Variants in SEC22C observed in about 807,000 individuals in gnomAD.
The protein encoded by SEC22C is SEC22 homolog C, vesicle trafficking protein, also known as vesicle-trafficking protein SEC22c.
A neutral mutation model predicts 34.7 loss-of-function variants in SEC22C; 29 were observed. The observed-to-expected ratio is 0.84, with a 90% confidence interval of 0.62 to 1.14. The LOEUF is 1.14. SEC22C is among the 50% of genes most tolerant of loss of function. The pLI is 0.00. For missense variants in SEC22C, 337 were observed against 369.0 expected, an observed-to-expected ratio of 0.91 and a Z score of 0.71; for synonymous variants, 117 against 132.8, an observed-to-expected ratio of 0.88 and a Z score of 0.82.
chr3:42,571,957 C>T (rs1451152647), intron 1 of SEC22C, among the ~76,000 whole-genome samples: 6 of 152,050 alleles, frequency 3.9e-5, no homozygotes, highest in Admixed American at 1.3e-4. Flanking sequence ...CGCTTGAATC[C>T]GGGAGGGAGA....
Position 42,563,706 on chromosome 3 carries a change from T to A in SEC22C, c.183-20A>T, listed in dbSNP as rs777636940. On this transcript the variant is annotated intron_variant, in intron 2 of 6. Coordinates refer to ENST00000264454, the MANE Select transcript of SEC22C (RefSeq NM_032970.4). ...GAAAAACTGAAACAAAAGGGCAATA[T>A]CTGTATTACCAGGAAACAGCCCCAT... 6.2e-7 allele frequency: 1 copy of A among 1,613,414 alleles called. No individual in the cohort carries two copies. The highest frequency in any genetic ancestry group is 1.7e-5 in the Admixed American group (1 of 59,978).
At chr3:42,582,345 A>C (rs1198379480), upstream of SEC22C, 1 of 152,310 alleles carries the variant, frequency 6.6e-6, no homozygotes, top group African/African-American at 2.4e-5. Flanking sequence ...CCCGGGGCGT[A>C]TGTTCTGCGG....
At position 42,563,546 on chromosome 3, in the gene SEC22C, CTGGAGGCTAGGCCAA is replaced by C; in HGVS notation, c.308_322del (p.Ile103_Ser107del). 2 of 1,613,950 alleles carry C rather than the reference CTGGAGGCTAGGCCAA, an allele frequency of 1.2e-6. No individual in the cohort carries two copies. Among genetic ancestry groups the C allele is most frequent in the Non-Finnish European group, 1.7e-6 (2 of 1,179,924 alleles). ...ACCAAACTCAAGAAAAGCGTATGGC[CTGGAGGCTAGGCCAA>C]TGCAGGTAGTGTCATAGGAAGCTGT... is the stretch of plus-strand genomic sequence containing the variant. On this transcript the variant is annotated inframe_deletion, in exon 3 of 7. Transcript: ENST00000264454.
Position 42,550,331 on chromosome 3 carries a change from C to T in SEC22C, c.*2917G>A, listed in dbSNP as rs1411100685. On this transcript the variant is annotated 3_prime_UTR_variant, in exon 7 of 7. Coordinates refer to ENST00000264454, the MANE Select transcript of SEC22C (RefSeq NM_032970.4). Reference sequence around the variant, plus strand: ...TACTGGGAAAACAAAAGTGCTACAACAACAGTGAGTCCATGGTGGAGTGAG... The same window carrying T: ...TACTGGGAAAACAAAAGTGCTACAATAACAGTGAGTCCATGGTGGAGTGAG... 2 of 985,340 alleles carry T rather than the reference C, an allele frequency of 2.0e-6. No homozygotes were observed. Among genetic ancestry groups the T allele is most frequent in the Admixed American group, 6.1e-5 (1 of 16,270 alleles). 61.0% of individuals were successfully genotyped at this position (985,340 alleles called of 1,614,324 possible).
At chr3:42,584,554 C>T (rs928084076), upstream of SEC22C, among the ~76,000 whole-genome samples, 5 of 152,220 alleles carry the variant, frequency 3.3e-5, no homozygotes, top group Admixed American at 3.3e-4. Flanking sequence ...CCACGCCTAG[C>T]CGGGACATAG....
At chr3:42,588,247 C>CA (rs1017960409) in intron 1 of SEC22C, among the ~76,000 whole-genome samples, 42 of 150,414 alleles carry the variant, frequency 2.8e-4, no homozygotes, top group Middle Eastern at 3.5e-3. Context: ...ACTAAAAATA[C>CA]AAAAAAATTA....
At chr3:42,582,494 G>T (rs1704450421), upstream of SEC22C, among the ~76,000 whole-genome samples, 1 of 152,274 alleles carries the variant, frequency 6.6e-6, no homozygotes, top group Non-Finnish European at 1.5e-5. Context: ...TGGATGACTG[G>T]CTGGAAGGAG....
Position 42,550,008 on chromosome 3 carries a change from C to G in SEC22C, c.*3240G>C. On this transcript the variant is annotated 3_prime_UTR_variant, in exon 7 of 7. Transcript: ENST00000264454. Reference sequence around the variant, plus strand: ...CACCCAGGAAAAGGAAAGCCAGGTACACTTCTCATCACAGTAAGACTAGCC... The same window carrying G: ...CACCCAGGAAAAGGAAAGCCAGGTAGACTTCTCATCACAGTAAGACTAGCC... 1 of 985,482 alleles carries G rather than the reference C, an allele frequency of 1.0e-6. No individual in the cohort carries two copies. Among genetic ancestry groups the G allele is most frequent in the Non-Finnish European group, 1.2e-6 (1 of 829,958 alleles). The allele number at this position is 985,482 out of a possible 1,614,324, so 61.0% of individuals were successfully genotyped here.
At position 42,568,963 on chromosome 3, in the gene SEC22C, T is replaced by A. The variant is rs753898515; in HGVS notation, c.84A>T (p.Gln28His). ...GCCGTCTCCTCCATTCCAAAAAATC[T>A]TGGGTGTGGTAAAAATCAGTAGAGG... ...LSASTDFYHT[Q>H]DFLEWRRRLK... The change falls in exon 2 of 7, where the codon CAA becomes CAT. Residue 28 changes from glutamine (Q) to histidine (H), a missense_variant. By Grantham distance (24) the Gln-to-His change is conservative. Coordinates refer to ENST00000264454, the MANE Select transcript of SEC22C (RefSeq NM_032970.4). 6.2e-7 allele frequency: 1 copy of A among 1,614,032 alleles called. No individual in the cohort carries two copies. The highest frequency in any genetic ancestry group is 8.5e-7 in the Non-Finnish European group (1 of 1,180,034).
chr3:42,592,201 TTC>T (rs1403558935), intron 1 of SEC22C, among the ~76,000 whole-genome samples: 1 of 152,090 alleles, frequency 6.6e-6, no homozygotes, highest in Non-Finnish European at 1.5e-5. Context: ...TTTTTTTCTT[TTC>T]TTTTTTTTTT....
intron 1 of SEC22C, among the ~76,000 whole-genome samples, chr3:42,575,695 C>T (rs954329894): frequency 1.3e-5 from 2 of 152,122 alleles, no homozygotes; most frequent in African/African-American, 2.4e-5. Context: ...ATCAACTGCA[C>T]CTCAAAAATT....
intron 2 of SEC22C, among the ~76,000 whole-genome samples, chr3:42,566,054 A>C (rs1703216535): frequency 6.6e-6 from 1 of 152,220 alleles, no homozygotes; most frequent in South Asian, 2.1e-4. Context: ...AGCCTTTAAC[A>C]GAGAAAAGCT....
chr3:42,553,502 C>T, intron 6 of SEC22C, 54 bp from the exon 7 acceptor site: 1 of 1,580,230 alleles, frequency 6.3e-7, no homozygotes, highest in Admixed American at 1.8e-5. Context: ...GCCACTAGAT[C>T]ATATGCAAAA....
At position 42,548,791 on chromosome 3, in the gene SEC22C, A is replaced by C; in HGVS notation, c.*4457T>G. 6.7e-7 allele frequency: 1 copy of C among 1,495,942 alleles called. No individual in the cohort carries two copies. Among genetic ancestry groups the C allele is most frequent in the Non-Finnish European group, 8.9e-7 (1 of 1,118,212 alleles). The allele number at this position is 1,495,942 out of a possible 1,614,324, so 92.7% of individuals were successfully genotyped here. A position where few individuals can be genotyped will look rare whatever the true frequency, so the allele number is the denominator to read the frequency against. ...GAGGTTTACACTGTAGTATAACAAAATGCCTTTTTGTAAAGGCCAGAAGAA... is the reference window on the plus strand; with the variant it reads ...GAGGTTTACACTGTAGTATAACAAACTGCCTTTTTGTAAAGGCCAGAAGAA... On this transcript the variant is annotated 3_prime_UTR_variant, in exon 7 of 7. Transcript: ENST00000264454.
chr3:42,575,939 G>A (rs1391483455), intron 1 of SEC22C, among the ~76,000 whole-genome samples: 1 of 152,072 alleles, frequency 6.6e-6, no homozygotes, highest in Non-Finnish European at 1.5e-5. Flanking sequence ...ACCACAGAAT[G>A]TCTACCAAGA....
intron 1 of SEC22C, among the ~76,000 whole-genome samples, chr3:42,574,836 T>C (rs1703868130): frequency 6.6e-6 from 1 of 152,186 alleles, no homozygotes; most frequent in African/African-American, 2.4e-5. Context: ...TATTATTTTT[T>C]GAGACAGGGT....
At chr3:42,592,964 T>A (rs556676131) in intron 1 of SEC22C, among the ~76,000 whole-genome samples, 63 of 152,250 alleles carry the variant, frequency 4.1e-4, no homozygotes, top group African/African-American at 1.5e-3. Flanking sequence ...GTCCTCTGTA[T>A]CCATGGGTTC....
chr3:42,600,895 C>A, intron 1 of SEC22C: 2 of 780,188 alleles, frequency 2.6e-6, no homozygotes, highest in Non-Finnish European at 3.7e-6. Context: ...GGCACCGTGG[C>A]GCGGACTTCG....
At chr3:42,572,488 G>A (rs1027660813) in intron 1 of SEC22C, among the ~76,000 whole-genome samples, 21 of 152,240 alleles carry the variant, frequency 1.4e-4, no homozygotes, top group South Asian at 4.1e-4. Context: ...GGGGCTAGAG[G>A]GCAGTAATGA....
Sources: allele counts gnomAD v4.1 joint callset (sites outside exome capture counted in the v4.1 genomes callset), GRCh38; gene constraint gnomAD v4.1.1; transcripts MANE v1.5; gene names NCBI Gene and HGNC (gene_info 2026-07-23, HGNC 2026-07-21).